The following ADCY3 variants were observed in gnomAD, a reference collection of about 807,000 sequenced individuals.
ADCY3 encodes adenylate cyclase 3.
A neutral mutation model predicts 119.4 loss-of-function variants in ADCY3; 70 were observed. That is an observed-to-expected ratio of 0.59 (90% confidence interval 0.48 to 0.72). The LOEUF is 0.72. ADCY3 is among the 30% of genes least tolerant of loss of function. ADCY3 has a pLI of 0.00. For synonymous variants in ADCY3, 672 were observed against 621.4 expected (o/e 1.08, Z -1.21); for missense variants, 1,238 against 1,541.6 (o/e 0.80, Z 3.30).
Position 24,826,025 on chromosome 2 carries a change from A to G in ADCY3, c.2577+20T>C. On this transcript the variant is annotated intron_variant, in intron 16 of 21. Transcript: ENST00000679454. ...TGTGGGCTGTGGGCACAGAGCGGGGATCGTGCAGGCGGCACTCACGTGGCG... is the reference window on the plus strand; with the variant it reads ...TGTGGGCTGTGGGCACAGAGCGGGGGTCGTGCAGGCGGCACTCACGTGGCG... 1 of 1,611,944 alleles carries G rather than the reference A, an allele frequency of 6.2e-7. No homozygotes were observed. Among genetic ancestry groups the G allele is most frequent in the Non-Finnish European group, 8.5e-7 (1 of 1,178,198 alleles).
At chr2:24,823,405 T>C (rs2148373210) in intron 17 of ADCY3, 50 bp from the exon 18 acceptor site, 1 of 1,588,220 alleles carries the variant, frequency 6.3e-7, no homozygotes, top group Non-Finnish European at 8.5e-7. Flanking sequence ...ACTGACTGGA[T>C]GATGTGTTGG....
In ADCY3 at chr2:24,836,850, G is replaced by A. The variant is rs570579942; in HGVS notation, c.1662+67C>T. 1.3e-3 allele frequency: 1,982 copies of A among 1,543,336 alleles called. 6 individuals carry two copies. The highest frequency in any genetic ancestry group is 2.1e-3 in the South Asian group (170 of 79,462). ...AGCACAGGACTCCTGCTGCAGGAAC[G>A]TATTGCTTCCTGGTGCCTGCCCGCA... On this transcript the variant is annotated intron_variant, in intron 9 of 21. Coordinates refer to ENST00000679454, the MANE Select transcript of ADCY3 (RefSeq NM_004036.5).
chr2:24,906,046 C>T (rs1465985356), intron 2 of ADCY3, among the ~76,000 whole-genome samples: 2 of 152,184 alleles, frequency 1.3e-5, no homozygotes, highest in Non-Finnish European at 2.9e-5. Flanking sequence ...GGAAATGCCA[C>T]CTGTAATCCC....
chr2:24,905,550 T>C (rs1679362908), intron 2 of ADCY3, among the ~76,000 whole-genome samples: 1 of 152,154 alleles, frequency 6.6e-6, no homozygotes. Context: ...ATAGGGTGGA[T>C]AGGGCCAAGC....
intron 2 of ADCY3, among the ~76,000 whole-genome samples, chr2:24,883,331 CAG>C (rs962563103): frequency 6.8e-6 from 1 of 148,070 alleles, no homozygotes; most frequent in East Asian, 2.0e-4. Context: ...CTGGGCGACA[CAG>C]AGAGACTCTG....
chr2:24,861,827 C>T lies in ADCY3; in HGVS notation c.825+10743G>A, dbSNP rs572263099. On this transcript the variant is annotated intron_variant, in intron 3 of 21. Coordinates refer to ENST00000679454, the MANE Select transcript of ADCY3 (RefSeq NM_004036.5). ...CCTACCTCACCACCCTGACTTCAGC[C>T]GGTGCCTCCCCAGGGGCTGGGGGCC... is the stretch of plus-strand genomic sequence containing the variant. Among the ~76,000 whole-genome samples, 10 of 152,340 alleles carry T rather than the reference C, an allele frequency of 6.6e-5. No individual in the cohort carries two copies. In the East Asian group the frequency reaches 1.7e-3, roughly 26 times the overall value.
At position 24,868,941 on chromosome 2, in the gene ADCY3, G is replaced by A. The variant is rs564734420; in HGVS notation, c.825+3629C>T. Among the ~76,000 whole-genome samples, 5 of 151,336 alleles carry A rather than the reference G, an allele frequency of 3.3e-5. No homozygotes were observed. In the South Asian group the frequency reaches 8.4e-4, roughly 25 times the overall value. On this transcript the variant is annotated intron_variant, in intron 3 of 21. Transcript: ENST00000679454. Reference sequence around the variant, plus strand: ...CGGGAGGCTGAGGCTGGAGAATGGCGTGAACCCGGGAGGCAGAGCTTGCAG... The same window carrying A: ...CGGGAGGCTGAGGCTGGAGAATGGCATGAACCCGGGAGGCAGAGCTTGCAG...
chr2:24,830,815 T>C lies in ADCY3; in HGVS notation c.2066A>G (p.Lys689Arg). Residue 689 changes from lysine to arginine, a missense_variant, in exon 13 of 22, where the codon AAG (lysine) becomes AGG (arginine). Transcript: ENST00000679454. ...CCAAGTTGAGAAGGCCACAAGCTTC[T>C]TAGGAAAGGCCTAGAAGGAACAGAA... ...LAAIFPRAFP[K>R]KLVAFSTWID... is the part of the protein sequence containing the mutation. 6.2e-7 allele frequency: 1 copy of C among 1,613,838 alleles called. No homozygotes were observed. Among genetic ancestry groups the C allele is most frequent in the Non-Finnish European group, 8.5e-7 (1 of 1,179,826 alleles).
intron 2 of ADCY3, among the ~76,000 whole-genome samples, chr2:24,886,858 C>A (rs1306815090): frequency 6.6e-6 from 1 of 152,204 alleles, no homozygotes; most frequent in Non-Finnish European, 1.5e-5. Flanking sequence ...AGCTGCTGCA[C>A]AAGGCAAGCC....
intron 9 of ADCY3, 94 bp downstream of exon 9, chr2:24,836,823 C>CCAG: frequency 6.6e-7 from 1 of 1,510,822 alleles, no homozygotes; most frequent in Non-Finnish European, 8.8e-7. Context: ...CCAGGTCTCC[C>CCAG]CAGCACAGGA....
At chr2:24,820,170 G>T in intron 21 of ADCY3, 56 bp from the exon 22 acceptor site, 1 of 1,330,354 alleles carries the variant, frequency 7.5e-7, no homozygotes, top group Non-Finnish European at 1.0e-6. Context: ...TAGACTGAGG[G>T]CGGGTGGGGG....
At chr2:24,887,513 G>A (rs1677175359) in intron 2 of ADCY3, among the ~76,000 whole-genome samples, 1 of 152,186 alleles carries the variant, frequency 6.6e-6, no homozygotes, top group African/African-American at 2.4e-5. Flanking sequence ...ACCAGGCCAA[G>A]TCCCGAGGGG....
At chr2:24,829,869 C>T (rs903705320) in intron 13 of ADCY3, among the ~76,000 whole-genome samples, 2 of 151,436 alleles carry the variant, frequency 1.3e-5, no homozygotes, top group African/African-American at 4.9e-5. Context: ...GTGCTCAATA[C>T]GTGCCCAGTG....
At chr2:24,849,909 G>A (rs1001566735) in intron 3 of ADCY3, among the ~76,000 whole-genome samples, 1 of 152,122 alleles carries the variant, frequency 6.6e-6, no homozygotes, top group Non-Finnish European at 1.5e-5. Context: ...GTATCTGGAT[G>A]TCCTCTAAGC....
chr2:24,835,412 G>A (rs1304918435), intron 9 of ADCY3, among the ~76,000 whole-genome samples: 1 of 152,188 alleles, frequency 6.6e-6, no homozygotes, highest in African/African-American at 2.4e-5. Context: ...AGATCTGAGG[G>A]GGAAAGTGAT....
intron 20 of ADCY3, 148 bp from the exon 21 acceptor site, chr2:24,820,996 G>C (rs1194744401): frequency 8.6e-7 from 1 of 1,167,106 alleles, no homozygotes; most frequent in Non-Finnish European, 1.2e-6. Flanking sequence ...CTATTGGAGG[G>C]TGGAAATCAC....
chr2:24,849,113 C>G (rs541592034), intron 3 of ADCY3, among the ~76,000 whole-genome samples: 54 of 152,334 alleles, frequency 3.5e-4, no homozygotes, highest in African/African-American at 1.3e-3. Context: ...TCCCTCCCAG[C>G]CTACATGCAG....
chr2:24,891,757 T>C (rs571565847), intron 2 of ADCY3, among the ~76,000 whole-genome samples: 7 of 152,160 alleles, frequency 4.6e-5, no homozygotes, highest in Admixed American at 6.6e-5. Flanking sequence ...GGCTTAAAGA[T>C]GAAAAAGGTA....
intron 14 of ADCY3, 72 bp downstream of exon 14, chr2:24,827,830 T>C: frequency 6.3e-7 from 1 of 1,593,042 alleles, no homozygotes; most frequent in Non-Finnish European, 8.6e-7. Context: ...CACAGGCCCA[T>C]GAGCTTGAAC....
Sources: gnomAD v4.1 joint callset for allele counts (sites outside exome capture counted in the v4.1 genomes callset) on GRCh38, gnomAD v4.1.1 for gene constraint, MANE v1.5 for transcripts, NCBI Gene and HGNC (gene_info 2026-07-23, HGNC 2026-07-21) for gene names.